TAB3: variants seen among roughly 807,000 people sequenced by gnomAD.
TAB3 encodes TGF-beta activated kinase 1 (MAP3K7) binding protein 3, also known as TGF-beta-activated kinase 1 and MAP3K7-binding protein 3.
In TAB3, 18 loss-of-function variants were observed where a neutral mutation model predicts 48.1. The observed-to-expected ratio is 0.37, with a 90% CI of 0.26 to 0.55. The LOEUF (loss-of-function observed/expected upper bound fraction) is 0.55. TAB3 is among the 20% of genes least tolerant of loss of function. The pLI is 0.78. For missense variants in TAB3, 414 were observed against 549.8 expected (o/e 0.75, Z 2.47); for synonymous variants, 185 against 190.2 (o/e 0.97, Z 0.22).
At chrX:30,887,854 A>C (rs1940175037) in intron 1 of TAB3, among the ~76,000 whole-genome samples, 1 of 112,400 alleles carries the variant, frequency 8.9e-6, no homozygotes, top group Non-Finnish European at 1.9e-5. Flanking sequence ...CACATATTTA[A>C]TATTTACCTT....
intron 4 of TAB3, among the ~76,000 whole-genome samples, chrX:30,861,323 T>C (rs1241714901): frequency 1.8e-5 from 2 of 110,909 alleles, no homozygotes; most frequent in Non-Finnish European, 3.8e-5. Context: ...AAGAAAAATA[T>C]ATAGACAAGC....
rs752039730 is a variant in TAB3, at chrX:30,883,906, C to T, written c.-383+5208G>A. On this transcript the variant is annotated intron_variant, in intron 1 of 10. Coordinates refer to ENST00000288422, the MANE Select transcript of TAB3 (RefSeq NM_152787.5). ...GGATCATTTAGAAATTGAGGCTCCC[C>T]CTGCACAGACTCTAGCCTTTAGATA... Among the ~76,000 whole-genome samples, 9 of 111,390 alleles carry T rather than the reference C, an allele frequency of 8.1e-5. No individual in the cohort carries two copies. The East Asian group carries it at 2.5e-3, about 31-fold the overall frequency.
chrX:30,858,937 CAG>C (rs1939160686), intron 5 of TAB3, among the ~76,000 whole-genome samples: 1 of 111,206 alleles, frequency 9.0e-6, no homozygotes. Flanking sequence ...ATTAGAAAAA[CAG>C]GGAGTGGATT....
At chrX:30,870,597 T>A (rs1939637519) in intron 2 of TAB3, among the ~76,000 whole-genome samples, 1 of 112,403 alleles carries the variant, frequency 8.9e-6, no homozygotes, top group Admixed American at 9.4e-5. Flanking sequence ...TAAGCTGGAT[T>A]ACAAAAAATA....
Position 30,855,213 on chromosome X carries a change from G to A in TAB3, c.452C>T (p.Thr151Ile). The A allele has an allele frequency of 8.3e-7, 1 of 1,211,933 alleles. No individual in the cohort carries two copies. Among genetic ancestry groups the A allele is most frequent in the Non-Finnish European group, 1.1e-6 (1 of 895,569 alleles). ...CTGTTGAGGTGGTTGTGAAGGAGGA[G>A]TAGCTGCACTTCTGTTCTGTTCGTT... ...FMNEQNRSAATPPSQPPQQPS... is the reference protein window; with the variant it reads ...FMNEQNRSAAIPPSQPPQQPS... The change falls in exon 6 of 11, where the codon ACT becomes ATT. Residue 151 changes from threonine to isoleucine, a missense_variant. Transcript: ENST00000288422.
chrX:30,888,664 T>A (rs781502983), intron 1 of TAB3, among the ~76,000 whole-genome samples: 1 of 112,782 alleles, frequency 8.9e-6, no homozygotes, highest in Non-Finnish European at 1.9e-5. Context: ...CAATTCTTAC[T>A]ATACTGCTAC....
At chrX:30,855,735 A>G (rs997994302) in intron 5 of TAB3, among the ~76,000 whole-genome samples, 173 bp from the exon 6 acceptor site, 2 of 112,079 alleles carry the variant, frequency 1.8e-5, no homozygotes, top group African/African-American at 6.5e-5. Flanking sequence ...GACCCAAACG[A>G]TTCATATTAT....
At chrX:30,840,365 CTGCTTTAACTATCGCATGGGAAAGAATTT>C (rs1859062396) in intron 9 of TAB3, among the ~76,000 whole-genome samples, 1 of 111,768 alleles carries the variant, frequency 8.9e-6, no homozygotes, top group Non-Finnish European at 1.9e-5. Context: ...CTTCTAAGCA[CTGCTTTAACTATCGCATGGGAAAGAATTT>C]TGCCTTGCCC....
intron 1 of TAB3, among the ~76,000 whole-genome samples, chrX:30,887,936 G>A (rs1940178314): frequency 8.9e-6 from 1 of 112,049 alleles, no homozygotes; most frequent in Admixed American, 9.4e-5. Flanking sequence ...CGGTTGTAAA[G>A]ATTCATATCA....
chrX:30,885,043 A>G (rs1460623205), intron 1 of TAB3, among the ~76,000 whole-genome samples: 2 of 112,557 alleles, frequency 1.8e-5, no homozygotes, highest in African/African-American at 6.5e-5. Context: ...ACATGTGCCT[A>G]AATTTAGAAA....
chrX:30,844,097 A>G (rs1479118666), intron 8 of TAB3: 1 of 110,504 alleles, frequency 9.0e-6, no homozygotes, highest in Non-Finnish European at 1.9e-5. Flanking sequence ...TCCCCCCGTC[A>G]CCACCGAAAA....
chrX:30,863,384 T>C (rs2147375568), intron 4 of TAB3, among the ~76,000 whole-genome samples: 1 of 112,214 alleles, frequency 8.9e-6, no homozygotes, highest in South Asian at 3.7e-4. Context: ...TTCCAGCCAA[T>C]AAATTAAGTC....
chrX:30,835,335 G>A (rs369089245), intron 9 of TAB3: 1 of 123,496 alleles, frequency 8.1e-6, no homozygotes, highest in Non-Finnish European at 1.9e-5. Context: ...CAAAAGCAGA[G>A]TGAATGTCTC....
rs1555933020 is a variant in TAB3 at position 30,830,912 on chromosome X, G to GCAC, written c.*514_*515insGTG. ...AATTACAAATACCCTTAATTAATTT[G>GCAC]CCCCCCCCCCCCAAATATTCTAGGT... On this transcript the variant is annotated 3_prime_UTR_variant, in exon 11 of 11. Transcript: ENST00000288422. 2.1e-4 allele frequency: 9 copies of GCAC among 43,609 alleles called. 1 individual carries two copies. The highest frequency in any genetic ancestry group is 3.7e-4 in the Non-Finnish European group (9 of 24,155). 3.6% of individuals were successfully genotyped at this position (43,609 alleles called of 1,213,427 possible). A position where few individuals can be genotyped will look rare whatever the true frequency, so the allele number is the denominator to read the frequency against.
chrX:30,847,340 C>A (rs893886217), intron 7 of TAB3, among the ~76,000 whole-genome samples: 25 of 109,908 alleles, frequency 2.3e-4, no homozygotes, highest in Non-Finnish European at 3.8e-4. Flanking sequence ...ACTTTGTTTT[C>A]TTCTGCCTCT....
At chrX:30,867,435 A>C (rs1230615517) in intron 3 of TAB3, 30 bp downstream of exon 3, 1 of 111,788 alleles carries the variant, frequency 8.9e-6, no homozygotes, top group Non-Finnish European at 1.9e-5. Flanking sequence ...TTTAAAAAAT[A>C]GAGTTATTTA....
chrX:30,847,399 G>C (rs758253836), intron 7 of TAB3, among the ~76,000 whole-genome samples: 1 of 109,041 alleles, frequency 9.2e-6, no homozygotes, highest in South Asian at 3.9e-4. Context: ...GCACATATGA[G>C]GCACTGAAAT....
intron 5 of TAB3, 94 bp downstream of exon 5, chrX:30,859,393 A>ACACACACACACACACACAC (rs1433059664): frequency 2.4e-6 from 1 of 423,294 alleles, no homozygotes; most frequent in Non-Finnish European, 3.7e-6. Flanking sequence ...CACACACACA[A>ACACACACACACACACACAC]GAAAACATAC....
chrX:30,861,452 G>A (rs890610740), intron 4 of TAB3, among the ~76,000 whole-genome samples: 1 of 110,354 alleles, frequency 9.1e-6, no homozygotes, highest in Non-Finnish European at 1.9e-5. Context: ...ATTGGTTTAC[G>A]CTTCTAAATC....
Sources: gnomAD v4.1 joint callset for allele counts (sites outside exome capture counted in the v4.1 genomes callset) on GRCh38, gnomAD v4.1.1 for gene constraint, MANE v1.5 for transcripts, NCBI Gene and HGNC (gene_info 2026-07-23, HGNC 2026-07-21) for gene names.